FTO: variants seen among roughly 807,000 people sequenced by gnomAD.
The protein encoded by FTO is alpha-ketoglutarate-dependent dioxygenase FTO.
FTO carries 47 observed loss-of-function variants against 63.9 expected under a neutral mutation model. The observed-to-expected ratio is 0.74, with a 90% CI of 0.58 to 0.94. The LOEUF is 0.94. FTO is among the 40% of genes least tolerant of loss of function. The pLI is 0.00. For missense variants in FTO, 562 were observed against 618.1 expected (o/e 0.91, Z 0.96); for synonymous variants, 207 against 224.4 (o/e 0.92, Z 0.69).
At chr16:53,727,984 G>A (rs1167305606) in intron 1 of FTO, among the ~76,000 whole-genome samples, 1 of 152,136 alleles carries the variant, frequency 6.6e-6, no homozygotes, top group African/African-American at 2.4e-5. Flanking sequence ...GTTCATGCCT[G>A]TAATTCCAGT....
At chr16:53,894,481 C>T (rs973450643) in intron 7 of FTO, among the ~76,000 whole-genome samples, 1 of 152,122 alleles carries the variant, frequency 6.6e-6, no homozygotes, top group Non-Finnish European at 1.5e-5. Context: ...ACTGAGTATA[C>T]TGGTATTTGC....
chr16:54,002,578 C>T (rs1403156003), intron 8 of FTO, among the ~76,000 whole-genome samples: 1 of 152,240 alleles, frequency 6.6e-6, no homozygotes, highest in Non-Finnish European at 1.5e-5. Context: ...GGGACAGTTT[C>T]ATGGAAAGAG....
intron 8 of FTO, among the ~76,000 whole-genome samples, chr16:54,106,613 TATA>T (rs1348079029): frequency 7.2e-6 from 1 of 139,720 alleles, no homozygotes; most frequent in Non-Finnish European, 1.5e-5. Flanking sequence ...CATATAATTA[TATA>T]ATAAATATAT....
intron 1 of FTO, among the ~76,000 whole-genome samples, chr16:53,780,551 G>T (rs1227826845): frequency 1.3e-5 from 2 of 152,058 alleles, no homozygotes; most frequent in Non-Finnish European, 2.9e-5. Flanking sequence ...TTTCCCACCT[G>T]TAGAGACGGG....
intron 3 of FTO, among the ~76,000 whole-genome samples, chr16:53,830,779 C>G (rs1026279156): frequency 2.6e-5 from 4 of 152,052 alleles, no homozygotes; most frequent in African/African-American, 4.8e-5. Flanking sequence ...ACCTGTAGTC[C>G]CAGCTACTCG....
chr16:53,997,731 A>G (rs796534316), intron 8 of FTO, among the ~76,000 whole-genome samples: 9 of 151,916 alleles, frequency 5.9e-5, no homozygotes, highest in African/African-American at 2.2e-4. Flanking sequence ...AAAGCTGCTG[A>G]TGGCTACAAA....
In FTO at chr16:53,785,092, C is replaced by T. The variant is rs2077699848; in HGVS notation, c.46-25048C>T. On this transcript the variant is annotated intron_variant, in intron 1 of 8. Transcript: ENST00000471389. Reference sequence around the variant, plus strand: ...ATATATTAATAATATATATGTGTGACCAGCCTCAATAGATTTTATTCATTA... The same window carrying T: ...ATATATTAATAATATATATGTGTGATCAGCCTCAATAGATTTTATTCATTA... Among the ~76,000 whole-genome samples the T allele has an allele frequency of 2.0e-5, 3 of 152,052 alleles. No individual in the cohort carries two copies. In the South Asian group the frequency reaches 6.2e-4, roughly 32 times the overall value.
At chr16:54,053,530 G>A (rs1393723398) in intron 8 of FTO, among the ~76,000 whole-genome samples, 2 of 152,120 alleles carry the variant, frequency 1.3e-5, no homozygotes, top group Non-Finnish European at 2.9e-5. Context: ...TCAGGCACTC[G>A]AAAAATTGAT....
At chr16:53,782,234 G>A (rs1297642775) in intron 1 of FTO, among the ~76,000 whole-genome samples, 2 of 152,154 alleles carry the variant, frequency 1.3e-5, no homozygotes, top group Non-Finnish European at 2.9e-5. Context: ...TATTGAATGA[G>A]AGAATTTAAC....
At chr16:53,769,212 CCTT>C (rs1482147663) in intron 1 of FTO, among the ~76,000 whole-genome samples, 2 of 152,120 alleles carry the variant, frequency 1.3e-5, no homozygotes, top group Non-Finnish European at 2.9e-5. Context: ...ATTTATCTTT[CCTT>C]CTTCTGGGTG....
chr16:53,815,405 T>A (rs577737368), intron 2 of FTO, among the ~76,000 whole-genome samples: 1 of 152,196 alleles, frequency 6.6e-6, no homozygotes, highest in South Asian at 2.1e-4. Context: ...TCTCAAATTG[T>A]TTTTTCTTTT....
intron 8 of FTO, among the ~76,000 whole-genome samples, chr16:53,970,181 T>TC (rs1220953162): frequency 1.3e-5 from 2 of 152,226 alleles, no homozygotes; most frequent in East Asian, 3.8e-4. Context: ...AGGCAATGAT[T>TC]CCCGTTTAAA....
chr16:54,023,074 T>TA (rs781760845), intron 8 of FTO, among the ~76,000 whole-genome samples: 6 of 152,240 alleles, frequency 3.9e-5, no homozygotes, highest in Non-Finnish European at 7.3e-5. Flanking sequence ...TTTAATAAAA[T>TA]ATGCAGTTTG....
intron 4 of FTO, among the ~76,000 whole-genome samples, chr16:53,844,535 T>C (rs776788557): frequency 6.6e-6 from 1 of 152,086 alleles, no homozygotes; most frequent in Admixed American, 6.6e-5. Flanking sequence ...TCTCTGCTCA[T>C]TGCCGTTTCC....
intron 4 of FTO, among the ~76,000 whole-genome samples, chr16:53,866,509 G>T (rs755419023): frequency 6.6e-6 from 1 of 152,054 alleles, no homozygotes; most frequent in African/African-American, 2.4e-5. Flanking sequence ...TGGGCCTGGC[G>T]CTTTGGAAAC....
intron 3 of FTO, among the ~76,000 whole-genome samples, chr16:53,839,866 G>T (rs978063942): frequency 6.6e-6 from 1 of 150,716 alleles, no homozygotes; most frequent in Admixed American, 6.6e-5. Context: ...GTGCAGTGGC[G>T]CGATCTCGGC....
intron 8 of FTO, among the ~76,000 whole-genome samples, chr16:54,083,588 G>A (rs943549141): frequency 5.3e-5 from 8 of 152,134 alleles, no homozygotes; most frequent in Non-Finnish European, 7.3e-5. Flanking sequence ...AGAGAGCCCA[G>A]TGACTGATGT....
intron 4 of FTO, among the ~76,000 whole-genome samples, chr16:53,851,370 A>C (rs933306704): frequency 6.6e-6 from 1 of 151,742 alleles, no homozygotes; most frequent in Non-Finnish European, 1.5e-5. Context: ...GAGGCATGAT[A>C]ATCACTTGAA....
intron 1 of FTO, among the ~76,000 whole-genome samples, chr16:53,757,003 G>C (rs889686633): frequency 1.3e-5 from 2 of 152,242 alleles, no homozygotes; most frequent in Middle Eastern, 3.4e-3. Context: ...TGTATAGCCA[G>C]GAGTCACGGT....
Sources: gnomAD v4.1 joint callset for allele counts (sites outside exome capture counted in the v4.1 genomes callset) on GRCh38, gnomAD v4.1.1 for gene constraint, MANE v1.5 for transcripts, NCBI Gene and HGNC (gene_info 2026-07-23, HGNC 2026-07-21) for gene names.